Variants in METTL24 observed in about 807,000 individuals in gnomAD.
METTL24 encodes probable methyltransferase-like protein 24.
Under a neutral mutation model 32.7 loss-of-function variants are expected in METTL24, and 29 were observed. The ratio of observed to expected loss-of-function variants is 0.89; its 90% CI spans 0.66 to 1.21. The LOEUF is 1.21. Ranked by LOEUF, METTL24 falls within the 50% of genes most tolerant of loss-of-function variation. METTL24 has a pLI of 0.00. For missense variants in METTL24, 439 were observed against 468.1 expected (o/e 0.94, Z 0.57); for synonymous variants, 163 against 179.5 (o/e 0.91, Z 0.73).
intron 1 of METTL24, among the ~76,000 whole-genome samples, chr6:110,326,104 A>G (rs1419093987): frequency 6.6e-6 from 1 of 151,978 alleles, no homozygotes; most frequent in Admixed American, 6.5e-5. Flanking sequence ...GAAACTGGAG[A>G]CCCTCTTCCC....
chr6:110,356,558 G>A (rs536231974), intron 1 of METTL24, among the ~76,000 whole-genome samples: 22 of 152,232 alleles, frequency 1.4e-4, no homozygotes, highest in Non-Finnish European at 3.2e-4. Context: ...CCCAGGCAGA[G>A]CTGAAGGCCT....
intron 3 of METTL24, among the ~76,000 whole-genome samples, chr6:110,304,465 A>G (rs570049653): frequency 6.6e-6 from 1 of 152,352 alleles, no homozygotes; most frequent in South Asian, 2.1e-4. Flanking sequence ...TAGTTTAGAG[A>G]AGAACATGAA....
chr6:110,298,657 G>A (rs1771463930), intron 4 of METTL24, among the ~76,000 whole-genome samples: 2 of 152,118 alleles, frequency 1.3e-5, no homozygotes, highest in Admixed American at 1.3e-4. Context: ...CCAGAAGTAA[G>A]TTTCTTAGTC....
chr6:110,280,610 A>G (rs146186771), intron 4 of METTL24, among the ~76,000 whole-genome samples: 11 of 152,146 alleles, frequency 7.2e-5, no homozygotes, highest in Non-Finnish European at 1.5e-4. Context: ...TTGTTAAAAT[A>G]TATATACCAC....
chr6:110,295,826 G>GAAGGAAGGAAGC (rs1771406479), intron 4 of METTL24, among the ~76,000 whole-genome samples: 1 of 151,792 alleles, frequency 6.6e-6, no homozygotes, highest in African/African-American at 2.4e-5. Flanking sequence ...AGGAAGGAAG[G>GAAGGAAGGAAGC]AAGGAAGGAA....
intron 4 of METTL24, among the ~76,000 whole-genome samples, chr6:110,273,649 A>G (rs2114710779): frequency 6.6e-6 from 1 of 152,350 alleles, no homozygotes; most frequent in South Asian, 2.1e-4. Flanking sequence ...TTATCAGAGA[A>G]ATGCAAATCA....
At chr6:110,318,090 G>A (rs933164122) in intron 2 of METTL24, among the ~76,000 whole-genome samples, 8 of 152,180 alleles carry the variant, frequency 5.3e-5, no homozygotes, top group African/African-American at 1.9e-4. Context: ...GGGTTGAAGG[G>A]GTTAGCACTG....
intron 4 of METTL24, among the ~76,000 whole-genome samples, chr6:110,274,243 C>T (rs1297784621): frequency 6.6e-6 from 1 of 152,138 alleles, no homozygotes; most frequent in African/African-American, 2.4e-5. Context: ...CAGGTGCCCA[C>T]CACTATGCCC....
chr6:110,292,726 C>T (rs1771341209), intron 4 of METTL24, among the ~76,000 whole-genome samples: 1 of 151,116 alleles, frequency 6.6e-6, no homozygotes. Flanking sequence ...TTTTAAATCC[C>T]CATAGTTTTC....
intron 1 of METTL24, among the ~76,000 whole-genome samples, chr6:110,349,407 G>C (rs1340906709): frequency 6.6e-6 from 1 of 152,214 alleles, no homozygotes; most frequent in Non-Finnish European, 1.5e-5. Flanking sequence ...GGGGTCCAGA[G>C]AGATGCAGTG....
chr6:110,335,340 C>T (rs761952629), intron 1 of METTL24, among the ~76,000 whole-genome samples: 13 of 152,254 alleles, frequency 8.5e-5, no homozygotes, highest in East Asian at 5.8e-4. Context: ...TTGGAAATAA[C>T]GAGAGTACAG....
intron 4 of METTL24, among the ~76,000 whole-genome samples, chr6:110,273,847 A>G (rs1437343342): frequency 6.6e-6 from 1 of 152,252 alleles, no homozygotes; most frequent in African/African-American, 2.4e-5. Flanking sequence ...TACAACTACC[A>G]TTTGATTCAC....
chr6:110,262,716 C>G (rs927992960), intron 4 of METTL24, among the ~76,000 whole-genome samples: 2 of 152,150 alleles, frequency 1.3e-5, no homozygotes, highest in Non-Finnish European at 2.9e-5. Flanking sequence ...TGCAAAAATC[C>G]TCAATAAAAT....
At chr6:110,265,141 GAAAGAAAGAAAGAAAGAAA>G (rs1770828925) in intron 4 of METTL24, among the ~76,000 whole-genome samples, 3 of 15,012 alleles carry the variant, frequency 2.0e-4, no homozygotes, top group African/African-American at 1.1e-3. Context: ...AAGAAAGAAA[GAAAGAAAGAAAGAAAGAAA>G]GAAAGAAAGA....
chr6:110,341,843 G>A (rs756674414), intron 1 of METTL24, among the ~76,000 whole-genome samples: 8 of 152,202 alleles, frequency 5.3e-5, no homozygotes, highest in Admixed American at 6.5e-5. Flanking sequence ...AGAATCACTT[G>A]GGATAACAAC....
chr6:110,276,818 A>G (rs192203461), intron 4 of METTL24, among the ~76,000 whole-genome samples: 1 of 152,268 alleles, frequency 6.6e-6, no homozygotes, highest in African/African-American at 2.4e-5. Flanking sequence ...TGGGGGAAAA[A>G]CAAACAAAAG....
In METTL24 at chr6:110,324,315, C is replaced by T. The variant is rs549569089; in HGVS notation, c.319-1443G>A. ...CTACCCTTGTGGGGGCTGAGCCTCA[C>T]GCAGTCCCTCTAGATTGAAGGAGGC... On this transcript the variant is annotated intron_variant, in intron 1 of 4. Coordinates refer to ENST00000338882, the MANE Select transcript of METTL24 (RefSeq NM_001123364.3). Among the ~76,000 whole-genome samples, 314 of 152,288 alleles carry T rather than the reference C, an allele frequency of 2.1e-3. 2 individuals carry two copies. The highest frequency in any genetic ancestry group is 6.4e-3 in the African/African-American group (268 of 41,558).
intron 1 of METTL24, among the ~76,000 whole-genome samples, chr6:110,342,621 C>T (rs923648827): frequency 1.3e-5 from 2 of 152,134 alleles, no homozygotes; most frequent in Admixed American, 6.5e-5. Flanking sequence ...AGTATATATA[C>T]AGCTTGTGCA....
intron 1 of METTL24, 29 bp downstream of exon 1, chr6:110,357,926 G>A: frequency 8.4e-7 from 1 of 1,197,066 alleles, no homozygotes; most frequent in Non-Finnish European, 1.0e-6. Context: ...TCTGGTCCCA[G>A]GCCCAAGACC....
Sources: allele counts gnomAD v4.1 joint callset (sites outside exome capture counted in the v4.1 genomes callset), GRCh38; gene constraint gnomAD v4.1.1; transcripts MANE v1.5; gene names NCBI Gene and HGNC (gene_info 2026-07-23, HGNC 2026-07-21).